MROH2B: variants seen among roughly 807,000 people sequenced by gnomAD.
The protein encoded by MROH2B is maestro heat-like repeat-containing protein family member 2B.
MROH2B carries 177 observed loss-of-function variants against 208.6 expected under a neutral mutation model. The observed-to-expected ratio is 0.85, with a 90% CI of 0.75 to 0.96. The LOEUF is 0.96. MROH2B is among the 40% of genes least tolerant of loss of function. MROH2B has a pLI of 0.00. For missense variants in MROH2B, 2,002 were observed against 1,878.7 expected, an observed-to-expected ratio of 1.07 and a Z score of -1.21; for synonymous variants, 728 against 659.0, an observed-to-expected ratio of 1.10 and a Z score of -1.60.
At chr5:41,068,953 C>A (rs1743893350) in intron 2 of MROH2B, among the ~76,000 whole-genome samples, 1 of 152,226 alleles carries the variant, frequency 6.6e-6, no homozygotes, top group African/African-American at 2.4e-5. Flanking sequence ...GGGTTGAGAA[C>A]CACTGAATTA....
chr5:41,024,209 T>A (rs983284576), intron 24 of MROH2B, among the ~76,000 whole-genome samples: 1 of 152,116 alleles, frequency 6.6e-6, no homozygotes, highest in Non-Finnish European at 1.5e-5. Context: ...GTAAATGGGA[T>A]AAATACTCCA....
At chr5:41,000,182 C>T in intron 39 of MROH2B, 38 bp downstream of exon 39, 1 of 1,611,896 alleles carries the variant, frequency 6.2e-7, no homozygotes, top group Non-Finnish European at 8.5e-7. Context: ...AGACCCTTGT[C>T]CTGCCTTTTT....
chr5:41,025,883 T>C (rs1055064163), intron 24 of MROH2B, among the ~76,000 whole-genome samples: 1 of 152,140 alleles, frequency 6.6e-6, no homozygotes, highest in East Asian at 1.9e-4. Flanking sequence ...TGGTTCAACA[T>C]ACACATATCA....
At chr5:41,024,011 C>A (rs571369148) in intron 24 of MROH2B, among the ~76,000 whole-genome samples, 2 of 152,134 alleles carry the variant, frequency 1.3e-5, no homozygotes, top group Non-Finnish European at 2.9e-5. Context: ...ACCAGGCCTG[C>A]CCTAAAAGAG....
chr5:41,014,848 T>C (rs1741886292), intron 29 of MROH2B, among the ~76,000 whole-genome samples: 1 of 152,204 alleles, frequency 6.6e-6, no homozygotes, highest in East Asian at 1.9e-4. Flanking sequence ...GTTATCATTA[T>C]CTGATATTAT....
At chr5:40,999,823 C>T in intron 39 of MROH2B, 44 bp from the exon 40 acceptor site, 1 of 1,572,674 alleles carries the variant, frequency 6.4e-7, no homozygotes, top group East Asian at 2.3e-5. Flanking sequence ...GGAAAGTGAA[C>T]CTTTGTGACA....
At chr5:41,033,758 G>T in intron 22 of MROH2B, 80 bp downstream of exon 22, 1 of 1,155,956 alleles carries the variant, frequency 8.7e-7, no homozygotes, top group Middle Eastern at 2.1e-4. Context: ...GGACATCTTT[G>T]CTTGGCACAC....
intron 30 of MROH2B, 52 bp downstream of exon 30, chr5:41,012,531 T>C: frequency 6.4e-7 from 1 of 1,573,406 alleles, no homozygotes; most frequent in Non-Finnish European, 8.6e-7. Flanking sequence ...TGACTTGGCA[T>C]TTCAGAAGTG....
rs1742043972 is a variant in MROH2B at position 41,018,773 on chromosome 5, C to A, written c.2591G>T (p.Arg864Leu). 4 of 1,613,822 alleles carry A rather than the reference C, an allele frequency of 2.5e-6. No individual in the cohort carries two copies. Among genetic ancestry groups the A allele is most frequent in the Non-Finnish European group, 3.4e-6 (4 of 1,179,844 alleles). ...AAGTTTTCCTAGGGCGTCCATGGAT[C>A]GTTCATAGAGAAACTGAAATCAAAT... ...DKEHIQFLYE[R>L]SMDALGKLLK... The change falls in exon 26 of 42, where the codon CGA (arginine) becomes CTA (leucine). Residue 864 changes from arginine (R) to leucine (L), a missense_variant. Transcript: ENST00000399564.
At chr5:41,016,849 T>G (rs925318348) in intron 28 of MROH2B, among the ~76,000 whole-genome samples, 4 of 152,136 alleles carry the variant, frequency 2.6e-5, no homozygotes, top group African/African-American at 9.7e-5. Context: ...CATATATCTT[T>G]AATCAATTAT....
intron 12 of MROH2B, 35 bp from the exon 13 acceptor site, chr5:41,051,125 A>T: frequency 7.1e-7 from 1 of 1,408,918 alleles, no homozygotes; most frequent in Non-Finnish European, 9.4e-7. Context: ...CTTGTTAATG[A>T]CTCCTAAGGT....
rs1225188616 is a variant in MROH2B, at chr5:41,008,777, T to A, written c.3437A>T (p.Tyr1146Phe). The A allele has an allele frequency of 6.2e-6, 10 of 1,613,092 alleles. No individual in the cohort carries two copies. Among genetic ancestry groups the A allele is most frequent in the African/African-American group, 1.3e-5 (1 of 74,914 alleles). ...VEAISVACAM[Y>F]EVISMGTSVT... is the part of the protein sequence containing the mutation. ...AGAGGTGCCCATTGAGATCACTTCA[T>A]ACATAGCACAGGCCACCTGAGGGGA... Residue 1146 changes from tyrosine to phenylalanine, a missense_variant, in exon 33 of 42, where the codon TAT becomes TTT. Transcript: ENST00000399564.
chr5:41,054,677 A>G (rs1257006963), intron 11 of MROH2B, 90 bp downstream of exon 11: 1 of 945,408 alleles, frequency 1.1e-6, no homozygotes, highest in African/African-American at 1.7e-5. Flanking sequence ...TCTTTATAAA[A>G]TAGTCTCATA....
chr5:41,011,978 T>C (rs1257612688), intron 30 of MROH2B, among the ~76,000 whole-genome samples: 2 of 152,212 alleles, frequency 1.3e-5, no homozygotes, highest in Non-Finnish European at 2.9e-5. Flanking sequence ...CATTTTTTCC[T>C]TCTTATTAAT....
intron 1 of MROH2B, among the ~76,000 whole-genome samples, chr5:41,070,537 G>A (rs1175815237): frequency 6.6e-6 from 1 of 152,076 alleles, no homozygotes; most frequent in Admixed American, 6.6e-5. Context: ...GACTCTTCTA[G>A]TATTTAAAAT....
intron 12 of MROH2B, 70 bp downstream of exon 12, chr5:41,052,395 T>A (rs1361631767): frequency 4.3e-6 from 6 of 1,407,258 alleles, no homozygotes; most frequent in Non-Finnish European, 4.7e-6. Context: ...AATCATTTTT[T>A]AAAAAGAAAC....
intron 6 of MROH2B, among the ~76,000 whole-genome samples, chr5:41,060,251 C>T (rs1205360477): frequency 6.6e-6 from 1 of 152,082 alleles, no homozygotes; most frequent in South Asian, 2.1e-4. Flanking sequence ...ATTTCTATAG[C>T]CTCCTAGCAG....
intron 12 of MROH2B, among the ~76,000 whole-genome samples, chr5:41,052,102 T>C (rs1743302881): frequency 6.6e-6 from 1 of 152,086 alleles, no homozygotes; most frequent in African/African-American, 2.4e-5. Context: ...ATCCAGTCTC[T>C]GTGTCCCTCT....
rs183301607 is a variant in MROH2B, at chr5:41,018,189, C to T, written c.2763+152G>A. ...AATAGCTCAATTCGTGTGAGCTGCA[C>T]TCTGAAGTTAGATCTCTCTCCAAAA... On this transcript the variant is annotated intron_variant, in intron 27 of 41. Transcript: ENST00000399564. 2.0e-5 allele frequency among the ~76,000 whole-genome samples: 3 copies of T among 152,348 alleles called. No homozygotes were observed. In the East Asian group the frequency reaches 5.8e-4, roughly 29 times the overall value.
Sources: allele counts gnomAD v4.1 joint callset (sites outside exome capture counted in the v4.1 genomes callset), GRCh38; gene constraint gnomAD v4.1.1; transcripts MANE v1.5; gene names NCBI Gene and HGNC (gene_info 2026-07-23, HGNC 2026-07-21).